Variants in SLC2A13 observed in about 807,000 individuals in gnomAD.
SLC2A13 encodes solute carrier family 2 member 13, also known as proton myo-inositol cotransporter.
Under a neutral mutation model 64.4 loss-of-function variants are expected in SLC2A13, and 32 were observed. That is an observed-to-expected ratio of 0.50 (90% CI 0.37 to 0.67). The LOEUF is 0.67. Among genes scored for constraint, SLC2A13 ranks in the 30% least tolerant of loss-of-function variants. SLC2A13 has a pLI of 0.00. For missense variants in SLC2A13, 743 were observed against 829.2 expected (o/e 0.90, Z 1.28); for synonymous variants, 338 against 327.1 (o/e 1.03, Z -0.36).
Position 40,060,768 on chromosome 12 carries a change from G to A in SLC2A13, c.557-12558C>T, listed in dbSNP as rs528262969. The stretch of plus-strand genomic sequence containing the variant: ...AAGGAAATTCTGAAAGTGTATTTTA[G>A]ATAAACAGTGATCCCAAATGGATAG... On this transcript the variant is annotated intron_variant, in intron 1 of 9. Transcript: ENST00000280871. Among the ~76,000 whole-genome samples, 34 of 152,220 alleles carry A rather than the reference G, an allele frequency of 2.2e-4. No individual in the cohort carries two copies. In the East Asian group the frequency reaches 5.8e-3, roughly 26 times the overall value.
chr12:39,812,995 A>T (rs1251950071), intron 7 of SLC2A13, among the ~76,000 whole-genome samples: 10 of 13,158 alleles, frequency 7.6e-4, no homozygotes, highest in Admixed American at 2.3e-3. Context: ...ATGCCCAGCT[A>T]ATTTTTTTTT....
At chr12:39,991,359 C>T (rs1478120927) in intron 3 of SLC2A13, among the ~76,000 whole-genome samples, 1 of 152,186 alleles carries the variant, frequency 6.6e-6, no homozygotes, top group Non-Finnish European at 1.5e-5. Flanking sequence ...CTCCAGTGCT[C>T]TGCTCCCATC....
intron 1 of SLC2A13, among the ~76,000 whole-genome samples, chr12:40,054,319 A>AGAGCTTTT (rs952607622): frequency 2.6e-5 from 4 of 152,152 alleles, no homozygotes; most frequent in African/African-American, 9.7e-5. Flanking sequence ...AGTTCTATGA[A>AGAGCTTTT]GAGCTTTTGA....
intron 7 of SLC2A13, chr12:39,829,898 G>T: frequency 1.6e-6 from 1 of 634,930 alleles, no homozygotes; most frequent in South Asian, 2.0e-5. Context: ...GTCTCCAAAA[G>T]TCTAGGCCTG....
intron 3 of SLC2A13, among the ~76,000 whole-genome samples, chr12:39,963,358 C>G (rs889954315): frequency 6.6e-6 from 1 of 151,640 alleles, no homozygotes; most frequent in Admixed American, 6.6e-5. Context: ...AAACAATTAC[C>G]CTTCACATTT....
At chr12:39,861,673 AAAAG>A (rs1170363579) in intron 6 of SLC2A13, among the ~76,000 whole-genome samples, 2 of 152,196 alleles carry the variant, frequency 1.3e-5, no homozygotes, top group Non-Finnish European at 2.9e-5. Flanking sequence ...GGGTGTGAAA[AAAAG>A]AAATATGTGT....
intron 6 of SLC2A13, among the ~76,000 whole-genome samples, chr12:39,841,829 G>C (rs1002121874): frequency 6.6e-6 from 1 of 151,948 alleles, no homozygotes; most frequent in Non-Finnish European, 1.5e-5. Context: ...ATACTTAAGA[G>C]ACTGAAATTC....
intron 3 of SLC2A13, among the ~76,000 whole-genome samples, chr12:40,026,110 T>G (rs1161381352): frequency 6.6e-6 from 1 of 152,220 alleles, no homozygotes; most frequent in Non-Finnish European, 1.5e-5. Context: ...AATGCATTCA[T>G]GCAATAATGC....
chr12:39,790,440 A>G (rs1349788370), intron 7 of SLC2A13, among the ~76,000 whole-genome samples: 4 of 144,856 alleles, frequency 2.8e-5, no homozygotes, highest in African/African-American at 5.2e-5. Flanking sequence ...TCATTGTTCA[A>G]TTCCCACCTA....
chr12:39,947,207 C>T (rs1015084772), intron 4 of SLC2A13, among the ~76,000 whole-genome samples: 41 of 152,090 alleles, frequency 2.7e-4, no homozygotes, highest in African/African-American at 9.2e-4. Context: ...ACCAAATGCC[C>T]CAGAGAAGAT....
intron 3 of SLC2A13, among the ~76,000 whole-genome samples, chr12:40,014,316 T>C (rs1947581889): frequency 6.7e-6 from 1 of 149,590 alleles, no homozygotes; most frequent in Non-Finnish European, 1.5e-5. Context: ...TCCACTGATT[T>C]ACCTCAGAAG....
intron 4 of SLC2A13, among the ~76,000 whole-genome samples, chr12:39,906,413 A>G (rs1945283812): frequency 2.0e-5 from 3 of 152,136 alleles, no homozygotes; most frequent in Admixed American, 2.0e-4. Flanking sequence ...GCATACCTAC[A>G]CACAATAGAT....
intron 3 of SLC2A13, among the ~76,000 whole-genome samples, chr12:39,994,870 T>C (rs934858927): frequency 6.6e-6 from 1 of 152,346 alleles, no homozygotes; most frequent in Non-Finnish European, 1.5e-5. Context: ...GAACTGTGTA[T>C]GAAAAGATAG....
intron 6 of SLC2A13, among the ~76,000 whole-genome samples, chr12:39,859,334 A>T (rs76657332): frequency 1.6e-3 from 29 of 18,642 alleles, no homozygotes; most frequent in East Asian, 4.4e-3. Flanking sequence ...TTTTTTTCTG[A>T]AAAAAAAAAA....
At chr12:39,939,656 T>C (rs551502537) in intron 4 of SLC2A13, among the ~76,000 whole-genome samples, 53 of 152,346 alleles carry the variant, frequency 3.5e-4, no homozygotes, top group African/African-American at 1.2e-3. Flanking sequence ...AATAAAAATA[T>C]GGTCTTAACA....
intron 1 of SLC2A13, among the ~76,000 whole-genome samples, chr12:40,073,634 G>A (rs1347933883): frequency 6.6e-6 from 1 of 151,810 alleles, no homozygotes; most frequent in Non-Finnish European, 1.5e-5. Context: ...GTCTTTTGAA[G>A]GAAAAATTTA....
intron 1 of SLC2A13, among the ~76,000 whole-genome samples, chr12:40,091,048 T>C (rs998824435): frequency 6.6e-6 from 1 of 152,322 alleles, no homozygotes; most frequent in East Asian, 1.9e-4. Flanking sequence ...CTATATGCTA[T>C]AGCCTACTGC....
intron 7 of SLC2A13, 139 bp downstream of exon 7, chr12:39,829,964 C>A: frequency 9.6e-7 from 1 of 1,040,912 alleles, no homozygotes. Flanking sequence ...TCCACTATCA[C>A]CAGTATATGC....
Position 39,838,711 on chromosome 12 carries a change from G to C in SLC2A13, c.1320-8483C>G, listed in dbSNP as rs201043791. Among the ~76,000 whole-genome samples, 8 of 152,128 alleles carry C rather than the reference G, an allele frequency of 5.3e-5. No individual in the cohort carries two copies. The East Asian group carries it at 1.6e-3, about 30-fold the overall frequency. On this transcript the variant is annotated intron_variant, in intron 6 of 9. Transcript: ENST00000280871. ...TCAATCAATCGTTTATATGTTTCACGTGGCACCCAGGGTCTTGGCCAAATG... is the reference window on the plus strand; with the variant it reads ...TCAATCAATCGTTTATATGTTTCACCTGGCACCCAGGGTCTTGGCCAAATG...
Sources: allele counts gnomAD v4.1 joint callset (sites outside exome capture counted in the v4.1 genomes callset), GRCh38; gene constraint gnomAD v4.1.1; transcripts MANE v1.5; gene names NCBI Gene and HGNC (gene_info 2026-07-23, HGNC 2026-07-21).